The following CDC42BPA variants were observed in gnomAD, a reference collection of about 807,000 sequenced individuals.
The protein encoded by CDC42BPA is CDC42 binding protein kinase alpha.
A neutral mutation model predicts 223.5 loss-of-function variants in CDC42BPA; 80 were observed. That is an observed-to-expected ratio of 0.36 (90% CI 0.30 to 0.43). CDC42BPA has a LOEUF of 0.43. Among genes scored for constraint, CDC42BPA ranks in the 20% least tolerant of loss-of-function variants. CDC42BPA has a pLI of 1.00. For missense variants in CDC42BPA, 1,743 were observed against 2,099.9 expected (o/e 0.83, Z 3.32); for synonymous variants, 694 against 718.6 (o/e 0.97, Z 0.55).
At chr1:227,166,754 A>G (rs1384460525) in intron 5 of CDC42BPA, among the ~76,000 whole-genome samples, 1 of 152,168 alleles carries the variant, frequency 6.6e-6, no homozygotes, top group Non-Finnish European at 1.5e-5. Context: ...ATTAGTGCTC[A>G]CTAGGGGCGG....
chr1:227,184,752 A>T (rs937416916), intron 5 of CDC42BPA, among the ~76,000 whole-genome samples: 1 of 152,278 alleles, frequency 6.6e-6, no homozygotes, highest in East Asian at 1.9e-4. Context: ...TTGCCACCTC[A>T]TGAAAGAACA....
intron 3 of CDC42BPA, among the ~76,000 whole-genome samples, chr1:227,204,791 T>C (rs1672372690): frequency 6.6e-6 from 1 of 152,172 alleles, no homozygotes; most frequent in Non-Finnish European, 1.5e-5. Context: ...GGTAAAATAA[T>C]GAAATGTATT....
At chr1:227,010,990 T>C (rs886362734) in intron 34 of CDC42BPA, 3 of 1,362,598 alleles carry the variant, frequency 2.2e-6, no homozygotes. Flanking sequence ...AGTCATGTGA[T>C]AGATGTGTTC....
chr1:227,088,458 T>C (rs1450661091), intron 16 of CDC42BPA, among the ~76,000 whole-genome samples: 2 of 152,152 alleles, frequency 1.3e-5, no homozygotes, highest in African/African-American at 4.8e-5. Flanking sequence ...GTATACATGA[T>C]TGCAATTATG....
At chr1:227,274,273 T>C (rs1686558630) in intron 1 of CDC42BPA, among the ~76,000 whole-genome samples, 1 of 152,112 alleles carries the variant, frequency 6.6e-6, no homozygotes, top group Non-Finnish European at 1.5e-5. Context: ...GATCCAAAAG[T>C]AGGCACCTGA....
At chr1:227,291,194 C>T (rs951682454) in intron 1 of CDC42BPA, among the ~76,000 whole-genome samples, 4 of 152,090 alleles carry the variant, frequency 2.6e-5, no homozygotes, top group Admixed American at 1.3e-4. Flanking sequence ...TCCTCCCCAC[C>T]TGAACAAAAA....
intron 16 of CDC42BPA, among the ~76,000 whole-genome samples, chr1:227,090,887 G>T (rs1295402051): frequency 6.6e-6 from 1 of 152,188 alleles, no homozygotes; most frequent in African/African-American, 2.4e-5. Context: ...AAGAAATGCA[G>T]AATGGTGGGA....
intron 1 of CDC42BPA, among the ~76,000 whole-genome samples, chr1:227,313,044 A>G (rs1405778878): frequency 6.6e-6 from 1 of 152,212 alleles, no homozygotes; most frequent in African/African-American, 2.4e-5. Flanking sequence ...TAGCAATGCG[A>G]GAACAGACTA....
intron 14 of CDC42BPA, among the ~76,000 whole-genome samples, chr1:227,107,811 T>C (rs893140013): frequency 1.3e-5 from 2 of 152,154 alleles, no homozygotes; most frequent in Non-Finnish European, 2.9e-5. Context: ...CCATGAGTCA[T>C]ACTGGGTTAT....
chr1:227,245,247 C>T (rs1222768337), intron 2 of CDC42BPA, among the ~76,000 whole-genome samples: 1 of 148,422 alleles, frequency 6.7e-6, no homozygotes, highest in Non-Finnish European at 1.5e-5. Flanking sequence ...TGCTTAAGAA[C>T]AGAAGAGCAA....
intron 21 of CDC42BPA, chr1:227,068,471 C>T (rs1335902310): frequency 6.0e-6 from 1 of 167,176 alleles, no homozygotes; most frequent in Non-Finnish European, 1.4e-5. Flanking sequence ...ATTTTTACTT[C>T]ATTATGTTTA....
At chr1:227,316,591 A>G (rs1694436170) in intron 1 of CDC42BPA, among the ~76,000 whole-genome samples, 1 of 152,218 alleles carries the variant, frequency 6.6e-6, no homozygotes, top group Admixed American at 6.5e-5. Flanking sequence ...AGATATTTTA[A>G]TATCTCCTCC....
chr1:227,206,734 T>C (rs996173162), intron 3 of CDC42BPA, among the ~76,000 whole-genome samples: 1 of 152,190 alleles, frequency 6.6e-6, no homozygotes, highest in Non-Finnish European at 1.5e-5. Context: ...AGAATTTCTG[T>C]CTAAAAGATA....
chr1:227,031,036 GA>G (rs1669178492), intron 28 of CDC42BPA, among the ~76,000 whole-genome samples: 1 of 151,978 alleles, frequency 6.6e-6, no homozygotes, highest in Non-Finnish European at 1.5e-5. Flanking sequence ...CACACAAGCA[GA>G]AAATAGATTA....
intron 5 of CDC42BPA, among the ~76,000 whole-genome samples, chr1:227,172,355 A>G (rs959853358): frequency 5.9e-5 from 9 of 152,226 alleles, no homozygotes; most frequent in African/African-American, 1.9e-4. Context: ...TAATGATTCT[A>G]TAATTCCAGG....
At chr1:227,132,960 A>C (rs1222783580) in intron 10 of CDC42BPA, among the ~76,000 whole-genome samples, 1 of 145,046 alleles carries the variant, frequency 6.9e-6, no homozygotes, top group African/African-American at 2.6e-5. Context: ...AGAAGTGAGG[A>C]GCCCCGCCGT....
chr1:227,007,138 T>C (rs539955907), intron 34 of CDC42BPA, among the ~76,000 whole-genome samples: 65 of 152,338 alleles, frequency 4.3e-4, no homozygotes, highest in African/African-American at 1.5e-3. Flanking sequence ...TTCCAAAGGA[T>C]CAATTTGTTA....
chr1:227,296,781 G>A (rs4500279), intron 1 of CDC42BPA, among the ~76,000 whole-genome samples: 92,019 of 147,160 alleles, frequency 0.63, 28,979 homozygotes, highest in East Asian at 0.74. Context: ...TTGGCAATGG[G>A]TTCTTAAATA....
At chr1:227,265,670 T>C (rs1003554584) in intron 1 of CDC42BPA, among the ~76,000 whole-genome samples, 1 of 151,932 alleles carries the variant, frequency 6.6e-6, no homozygotes, top group Non-Finnish European at 1.5e-5. Flanking sequence ...TTAACTGATA[T>C]TACAATTAGA....
Sources: gnomAD v4.1 joint callset for allele counts (sites outside exome capture counted in the v4.1 genomes callset) on GRCh38, gnomAD v4.1.1 for gene constraint, MANE v1.5 for transcripts, NCBI Gene and HGNC (gene_info 2026-07-23, HGNC 2026-07-21) for gene names.